ARHGAP26: variants seen among roughly 807,000 people sequenced by gnomAD.
The protein encoded by ARHGAP26 is rho GTPase-activating protein 26.
ARHGAP26 carries 38 observed loss-of-function variants against 104.8 expected under a neutral mutation model. The ratio of observed to expected loss-of-function variants is 0.36; its 90% confidence interval spans 0.28 to 0.48. ARHGAP26 has a LOEUF of 0.48. Ranked by LOEUF, ARHGAP26 falls within the 20% of genes least tolerant of loss-of-function variation. The probability of loss-of-function intolerance (pLI) is 0.99; values close to 1 mark genes in which losing one functional copy is unlikely to be tolerated. For missense variants in ARHGAP26, 704 were observed against 947.9 expected (o/e 0.74, Z 3.38); for synonymous variants, 341 against 340.0 (o/e 1.00, Z -0.03).
At chr5:142,918,357 G>C (rs1263377953) in intron 10 of ARHGAP26, among the ~76,000 whole-genome samples, 4 of 152,180 alleles carry the variant, frequency 2.6e-5, no homozygotes, top group Non-Finnish European at 4.4e-5. Flanking sequence ...ATGTTGGCCA[G>C]GCTGGTATCA....
At chr5:142,890,151 A>AAAT (rs1252590997) in intron 5 of ARHGAP26, among the ~76,000 whole-genome samples, 31 of 32,378 alleles carry the variant, frequency 9.6e-4, no homozygotes, top group African/African-American at 2.1e-3. Flanking sequence ...AAAAAAAAAA[A>AAAT]ATATATATAT....
chr5:142,901,174 TAATA>T (rs141152198), intron 6 of ARHGAP26, among the ~76,000 whole-genome samples: 1,723 of 152,184 alleles, frequency 0.011, 27 homozygotes, highest in African/African-American at 0.039. Flanking sequence ...GAGGGGACAT[TAATA>T]GTTTTTAAGT....
At chr5:142,955,030 A>ACAG (rs1334305838) in intron 11 of ARHGAP26, among the ~76,000 whole-genome samples, 2 of 152,056 alleles carry the variant, frequency 1.3e-5, no homozygotes, top group Non-Finnish European at 2.9e-5. Flanking sequence ...TGTAATCCCA[A>ACAG]CAGTTTGGGA....
At chr5:142,906,539 C>T (rs1159244489) in intron 8 of ARHGAP26, among the ~76,000 whole-genome samples, 7 of 152,192 alleles carry the variant, frequency 4.6e-5, no homozygotes, top group African/African-American at 9.6e-5. Context: ...TCCGTCCGTC[C>T]GTTATCCATC....
chr5:143,005,233 C>T (rs1344620380), intron 11 of ARHGAP26, among the ~76,000 whole-genome samples: 2 of 152,166 alleles, frequency 1.3e-5, no homozygotes, highest in Non-Finnish European at 2.9e-5. Flanking sequence ...CATCAGAATC[C>T]CATGTCCCTT....
intron 14 of ARHGAP26, among the ~76,000 whole-genome samples, chr5:143,045,774 G>C (rs1363840689): frequency 6.6e-6 from 1 of 152,134 alleles, no homozygotes; most frequent in African/African-American, 2.4e-5. Flanking sequence ...GAGGCAGGTG[G>C]ATCACCTGAG....
intron 1 of ARHGAP26, among the ~76,000 whole-genome samples, chr5:142,774,658 A>G (rs190894008): frequency 3.3e-5 from 5 of 152,348 alleles, no homozygotes; most frequent in East Asian, 1.9e-4. Flanking sequence ...TGACAAATGT[A>G]TAATGACATA....
At chr5:143,117,680 T>G (rs2150763473) in intron 17 of ARHGAP26, among the ~76,000 whole-genome samples, 1 of 152,360 alleles carries the variant, frequency 6.6e-6, no homozygotes, top group African/African-American at 2.4e-5. Flanking sequence ...CCAGAATTAA[T>G]ATACCTTTTT....
chr5:142,999,112 G>A lies in ARHGAP26; in HGVS notation c.1108-14968G>A, dbSNP rs560609175. 1.6e-4 allele frequency among the ~76,000 whole-genome samples: 24 copies of A among 152,216 alleles called. No homozygotes were observed. In the South Asian group the frequency reaches 3.3e-3, roughly 21 times the overall value. ...GCATTTCAAAGCTGGTTTGTTTCAG[G>A]CCCCCCTTTTGATGCCTTAGGAAAT... is the stretch of plus-strand genomic sequence containing the variant. On this transcript the variant is annotated intron_variant, in intron 11 of 22. Coordinates refer to ENST00000645722, the MANE Select transcript of ARHGAP26 (RefSeq NM_001135608.3).
chr5:142,995,145 A>G (rs1321198337), intron 11 of ARHGAP26, among the ~76,000 whole-genome samples: 2 of 152,256 alleles, frequency 1.3e-5, no homozygotes, highest in African/African-American at 2.4e-5. Flanking sequence ...CAATTGCAAC[A>G]AAAAGCAAAA....
rs72799075 is a variant in ARHGAP26, at chr5:142,934,452, T to G, written c.1107+2327T>G. ...CTTTTTAGTTTCCTAAAGAGAGAGA[T>G]AAATATAGACAAATGATGTCTGTGT... On this transcript the variant is annotated intron_variant, in intron 11 of 22. Coordinates refer to ENST00000645722, the MANE Select transcript of ARHGAP26 (RefSeq NM_001135608.3). Among the ~76,000 whole-genome samples, 402 of 152,294 alleles carry G rather than the reference T, an allele frequency of 2.6e-3. 5 individuals carry two copies. The highest frequency in any genetic ancestry group is 8.6e-3 in the Admixed American group (131 of 15,300).
At chr5:142,991,630 C>T (rs995467911) in intron 11 of ARHGAP26, among the ~76,000 whole-genome samples, 4 of 152,128 alleles carry the variant, frequency 2.6e-5, no homozygotes, top group Non-Finnish European at 4.4e-5. Flanking sequence ...TTTTACTGTA[C>T]GTTTTCTATG....
chr5:142,877,034 A>C (rs1756224436), intron 3 of ARHGAP26, among the ~76,000 whole-genome samples: 1 of 151,948 alleles, frequency 6.6e-6, no homozygotes, highest in Non-Finnish European at 1.5e-5. Flanking sequence ...TGGCTGAGTT[A>C]GTATTTGGGG....
intron 6 of ARHGAP26, among the ~76,000 whole-genome samples, chr5:142,901,581 C>T (rs1280972272): frequency 6.6e-6 from 1 of 152,256 alleles, no homozygotes; most frequent in Non-Finnish European, 1.5e-5. Flanking sequence ...ATGTTCTCAG[C>T]AGGTGGTGAG....
chr5:142,968,780 A>G (rs780217474), intron 11 of ARHGAP26, among the ~76,000 whole-genome samples: 1 of 152,208 alleles, frequency 6.6e-6, no homozygotes, highest in African/African-American at 2.4e-5. Context: ...GTTTAGGTGT[A>G]TATCACTGGA....
intron 2 of ARHGAP26, among the ~76,000 whole-genome samples, chr5:142,873,795 A>G (rs1029770000): frequency 7.9e-5 from 12 of 151,840 alleles, no homozygotes; most frequent in African/African-American, 2.9e-4. Context: ...TTCCCCTTCA[A>G]CCATAGTACT....
At chr5:142,792,685 C>T (rs573484549) in intron 1 of ARHGAP26, among the ~76,000 whole-genome samples, 1 of 152,134 alleles carries the variant, frequency 6.6e-6, no homozygotes, top group Admixed American at 6.5e-5. Context: ...ACTGAGAGCA[C>T]CCCGGCTGTG....
At chr5:143,084,276 A>G (rs1249440742) in intron 17 of ARHGAP26, among the ~76,000 whole-genome samples, 3 of 152,226 alleles carry the variant, frequency 2.0e-5, no homozygotes, top group African/African-American at 7.2e-5. Flanking sequence ...ATATGCTATT[A>G]AAATAGAAAA....
Position 143,225,056 on chromosome 5 carries a change from G to A in ARHGAP26, c.*2610G>A, listed in dbSNP as rs1267871925. On this transcript the variant is annotated 3_prime_UTR_variant, in exon 23 of 23. Transcript: ENST00000645722. ...AGAAAGGGAGTATACTAGTAGGTTA[G>A]ATCTGTGAACCTGAGGACAAGAAGA... The A allele has an allele frequency of 4.4e-6, 1 of 225,476 alleles. No individual in the cohort carries two copies. Among genetic ancestry groups the A allele is most frequent in the Non-Finnish European group, 8.8e-6 (1 of 113,268 alleles). The allele number at this position is 225,476 out of a possible 1,614,324, so 14.0% of individuals were successfully genotyped here.
Sources: allele counts gnomAD v4.1 joint callset (sites outside exome capture counted in the v4.1 genomes callset), GRCh38; gene constraint gnomAD v4.1.1; transcripts MANE v1.5; gene names NCBI Gene and HGNC (gene_info 2026-07-23, HGNC 2026-07-21).